Variants in MCC observed in about 807,000 individuals in gnomAD.
MCC encodes the protein MCC regulator of Wnt signaling pathway.
MCC carries 90 observed loss-of-function variants against 116.2 expected under a neutral mutation model. The ratio of observed to expected loss-of-function variants is 0.77; its 90% CI spans 0.65 to 0.92. MCC has a LOEUF of 0.92. MCC is among the 40% of genes least tolerant of loss of function. MCC has a pLI of 0.00. For synonymous variants in MCC, 578 were observed against 510.5 expected (o/e 1.13, Z -1.78); for missense variants, 1,516 against 1,312.2 (o/e 1.16, Z -2.40).
intron 2 of MCC, among the ~76,000 whole-genome samples, chr5:113,346,263 G>T (rs1452692743): frequency 6.6e-6 from 1 of 152,064 alleles, no homozygotes; most frequent in Non-Finnish European, 1.5e-5. Flanking sequence ...AGAGGTATTG[G>T]CCTTAAAGAG....
At chr5:113,485,218 A>C (rs1279065489) in intron 1 of MCC, among the ~76,000 whole-genome samples, 1 of 152,084 alleles carries the variant, frequency 6.6e-6, no homozygotes, top group Non-Finnish European at 1.5e-5. Flanking sequence ...TCTTCCACTT[A>C]TCCTTCCCCC....
chr5:113,135,828 G>A (rs975580556), intron 5 of MCC, among the ~76,000 whole-genome samples: 5 of 152,104 alleles, frequency 3.3e-5, no homozygotes, highest in Admixed American at 6.6e-5. Context: ...CAGATCACCT[G>A]AGGCCAGGAG....
intron 3 of MCC, among the ~76,000 whole-genome samples, chr5:113,162,181 C>A (rs1404469916): frequency 6.6e-6 from 1 of 152,174 alleles, no homozygotes; most frequent in East Asian, 1.9e-4. Flanking sequence ...CAACAATAGT[C>A]CCAACTCGGA....
intron 3 of MCC, among the ~76,000 whole-genome samples, chr5:113,197,626 A>T (rs1762475651): frequency 6.6e-6 from 1 of 152,228 alleles, no homozygotes; most frequent in Admixed American, 6.5e-5. Flanking sequence ...GGCCAAAACA[A>T]CAACTACTGA....
In MCC at chr5:113,488,347, C is replaced by T; in HGVS notation, c.68G>A (p.Gly23Asp). The change falls in exon 1 of 19, where the codon GGC (glycine) becomes GAC (aspartate). Residue 23 changes from glycine (G) to aspartate (D), a missense_variant. Physicochemically the swap from Gly to Asp is moderately conservative, Grantham distance 94. Coordinates refer to ENST00000408903, the MANE Select transcript of MCC (RefSeq NM_001085377.2). ...SSSGGGGGGS[G>D]SSSSSSDTSS... is the part of the protein sequence containing the mutation. ...CGTGTCGCTGCTGCTGCTGCTGCTGCCGCTGCCGCCGCCGCCGCCGCCGCT... is the reference window on the plus strand; with the variant it reads ...CGTGTCGCTGCTGCTGCTGCTGCTGTCGCTGCCGCCGCCGCCGCCGCCGCT... 1.3e-6 allele frequency: 2 copies of T among 1,513,876 alleles called. No individual in the cohort carries two copies. The highest frequency in any genetic ancestry group is 1.4e-5 in the African/African-American group (1 of 69,524). The allele number at this position is 1,513,876 out of a possible 1,614,324, so 93.8% of individuals were successfully genotyped here. A position where few individuals can be genotyped will look rare whatever the true frequency, so the allele number is the denominator to read the frequency against.
intron 3 of MCC, among the ~76,000 whole-genome samples, chr5:113,238,083 G>C (rs1764198360): frequency 6.6e-6 from 1 of 152,150 alleles, no homozygotes. Context: ...CAAGAATGCA[G>C]CTATATCTGG....
intron 4 of MCC, among the ~76,000 whole-genome samples, chr5:113,146,243 C>G (rs1759509245): frequency 4.9e-4 from 1 of 2,030 alleles, no homozygotes; most frequent in Admixed American, 6.0e-3. Flanking sequence ...TTGAAGGTAA[C>G]TGTGGTCACA....
chr5:113,113,922 A>G (rs1019827096), intron 6 of MCC, among the ~76,000 whole-genome samples: 1 of 152,086 alleles, frequency 6.6e-6, no homozygotes, highest in Non-Finnish European at 1.5e-5. Flanking sequence ...ACAATTGGGG[A>G]AATTTGAATA....
At chr5:113,370,669 TA>T (rs887078919) in intron 2 of MCC, among the ~76,000 whole-genome samples, 2 of 152,222 alleles carry the variant, frequency 1.3e-5, no homozygotes, top group African/African-American at 4.8e-5. Flanking sequence ...CTGTTCTACT[TA>T]AAAATCACTT....
chr5:113,029,184 G>C, intron 17 of MCC, 128 bp from the exon 18 acceptor site: 2 of 806,774 alleles, frequency 2.5e-6, no homozygotes, highest in East Asian at 2.9e-5. Context: ...GGAGAGAAAA[G>C]ATACTAAAGG....
chr5:113,034,906 T>G (rs1751228936), intron 17 of MCC, among the ~76,000 whole-genome samples: 1 of 152,234 alleles, frequency 6.6e-6, no homozygotes, highest in Non-Finnish European at 1.5e-5. Context: ...GCTGCTCCCT[T>G]TCTATACTCC....
At chr5:113,330,343 C>T (rs1449843678) in intron 3 of MCC, among the ~76,000 whole-genome samples, 2 of 152,226 alleles carry the variant, frequency 1.3e-5, no homozygotes, top group Non-Finnish European at 2.9e-5. Context: ...AATACCTCTG[C>T]ACATACAAAA....
chr5:113,281,529 G>A (rs1158478514), intron 3 of MCC, among the ~76,000 whole-genome samples: 1 of 152,112 alleles, frequency 6.6e-6, no homozygotes, highest in East Asian at 1.9e-4. Context: ...AAAGGTTACT[G>A]GGCACAAGAG....
At chr5:113,359,124 G>A (rs754483608) in intron 2 of MCC, among the ~76,000 whole-genome samples, 2 of 152,132 alleles carry the variant, frequency 1.3e-5, no homozygotes, top group African/African-American at 2.4e-5. Flanking sequence ...TCTTCAGGAA[G>A]TGAGCTTATT....
chr5:113,221,430 T>A (rs1490310487), intron 3 of MCC, among the ~76,000 whole-genome samples: 1 of 152,216 alleles, frequency 6.6e-6, no homozygotes, highest in Non-Finnish European at 1.5e-5. Context: ...ACGAAGATGA[T>A]AACAGCCCTT....
At chr5:113,129,356 T>C (rs1258012285) in intron 5 of MCC, among the ~76,000 whole-genome samples, 1 of 152,226 alleles carries the variant, frequency 6.6e-6, no homozygotes, top group Non-Finnish European at 1.5e-5. Flanking sequence ...AAAAAGTCAC[T>C]GGATTTTTCA....
rs979576982 is a variant in MCC, at chr5:113,163,218, C to T, written c.628-11796G>A. 2.7e-4 allele frequency among the ~76,000 whole-genome samples: 41 copies of T among 152,078 alleles called. 1 individual carries two copies. Among genetic ancestry groups the T allele is most frequent in the Non-Finnish European group, 1.8e-4 (12 of 68,024 alleles). On this transcript the variant is annotated intron_variant, in intron 3 of 18. Coordinates refer to ENST00000408903, the MANE Select transcript of MCC (RefSeq NM_001085377.2). ...AATCAATTTCCATAAAAACGCATCT[C>T]AATAGTACAAAAGAGAGGACCAAGG...
intron 2 of MCC, among the ~76,000 whole-genome samples, chr5:113,384,072 T>C (rs1228746069): frequency 9.6e-6 from 1 of 104,638 alleles, no homozygotes; most frequent in African/African-American, 3.1e-5. Flanking sequence ...TCTTTCCTTT[T>C]TAACTTTTTA....
intron 1 of MCC, among the ~76,000 whole-genome samples, chr5:113,479,501 C>T (rs1026866083): frequency 6.6e-6 from 1 of 152,190 alleles, no homozygotes; most frequent in Non-Finnish European, 1.5e-5. Context: ...TAGCTCTTCT[C>T]AAAAGTAATA....
Sources: allele counts gnomAD v4.1 joint callset (sites outside exome capture counted in the v4.1 genomes callset), GRCh38; gene constraint gnomAD v4.1.1; transcripts MANE v1.5; gene names NCBI Gene and HGNC (gene_info 2026-07-23, HGNC 2026-07-21).